The following SLMAP variants were observed in gnomAD, a reference collection of about 807,000 sequenced individuals.
SLMAP encodes the protein sarcolemma associated protein, also known as sarcolemmal membrane-associated protein.
In SLMAP, 44 loss-of-function variants were observed where a neutral mutation model predicts 128.8. That is an observed-to-expected ratio of 0.34 (90% CI 0.27 to 0.44). The LOEUF (loss-of-function observed/expected upper bound fraction) is 0.44. Ranked by LOEUF, SLMAP falls within the 20% of genes least tolerant of loss-of-function variation. SLMAP has a pLI of 1.00. For missense variants in SLMAP, 787 were observed against 985.3 expected, an observed-to-expected ratio of 0.80 and a Z score of 2.69; for synonymous variants, 327 against 348.8, an observed-to-expected ratio of 0.94 and a Z score of 0.70.
intron 17 of SLMAP, chr3:57,899,364 T>G (rs2096314440): frequency 6.6e-6 from 1 of 152,210 alleles, no homozygotes; most frequent in Non-Finnish European, 1.5e-5. Context: ...ATGCTATTAG[T>G]AATTGCTTCA....
intron 22 of SLMAP, among the ~76,000 whole-genome samples, chr3:57,921,155 G>C (rs2153704995): frequency 6.6e-6 from 1 of 152,244 alleles, no homozygotes; most frequent in Non-Finnish European, 1.5e-5. Flanking sequence ...AACCAGTCTA[G>C]AATTTCAGCC....
intron 2 of SLMAP, among the ~76,000 whole-genome samples, chr3:57,791,536 G>A (rs1423731330): frequency 6.6e-6 from 1 of 152,030 alleles, no homozygotes; most frequent in East Asian, 1.9e-4. Flanking sequence ...GAAACAGGGT[G>A]TAAATTTCTC....
At chr3:57,806,768 A>T (rs535919885) in intron 2 of SLMAP, among the ~76,000 whole-genome samples, 1 of 152,102 alleles carries the variant, frequency 6.6e-6, no homozygotes, top group Non-Finnish European at 1.5e-5. Flanking sequence ...TCTATCATTG[A>T]TGGGCATTTG....
At chr3:57,773,817 G>A (rs1352779851) in intron 2 of SLMAP, among the ~76,000 whole-genome samples, 3 of 152,004 alleles carry the variant, frequency 2.0e-5, no homozygotes, top group East Asian at 1.9e-4. Flanking sequence ...AACTACCTAC[G>A]TATTGGAAAA....
intron 14 of SLMAP, among the ~76,000 whole-genome samples, chr3:57,875,052 G>A (rs2095571857): frequency 6.6e-6 from 1 of 152,076 alleles, no homozygotes; most frequent in Admixed American, 6.6e-5. Context: ...TGCAGAGATA[G>A]CACAGAATTT....
chr3:57,771,937 G>A (rs1321989226), intron 2 of SLMAP, among the ~76,000 whole-genome samples: 1 of 152,192 alleles, frequency 6.6e-6, no homozygotes, highest in Non-Finnish European at 1.5e-5. Context: ...AATTAAAGAA[G>A]TTGGGTAAAT....
intron 2 of SLMAP, among the ~76,000 whole-genome samples, chr3:57,759,206 G>C (rs954325325): frequency 2.0e-5 from 3 of 151,886 alleles, no homozygotes; most frequent in African/African-American, 7.3e-5. Context: ...TTTACCTGTG[G>C]AACAGACCCT....
At chr3:57,836,853 A>G (rs1283750253) in intron 3 of SLMAP, among the ~76,000 whole-genome samples, 1 of 152,222 alleles carries the variant, frequency 6.6e-6, no homozygotes, top group Admixed American at 6.5e-5. Context: ...CTGGACCCAC[A>G]AACTGCTTAA....
intron 3 of SLMAP, among the ~76,000 whole-genome samples, chr3:57,832,930 A>G (rs1452963425): frequency 1.3e-5 from 2 of 152,236 alleles, no homozygotes; most frequent in African/African-American, 2.4e-5. Context: ...CAACTTATAT[A>G]TGACCATACT....
intron 14 of SLMAP, among the ~76,000 whole-genome samples, chr3:57,886,844 A>G (rs748489349): frequency 8.5e-5 from 13 of 152,128 alleles, no homozygotes; most frequent in Non-Finnish European, 1.5e-4. Context: ...CATGTGTTAT[A>G]TTGTTTTATT....
intron 15 of SLMAP, chr3:57,891,193 A>G (rs1218099382): frequency 6.6e-6 from 1 of 151,586 alleles, no homozygotes; most frequent in Non-Finnish European, 1.5e-5. Context: ...AGCACTTTGA[A>G]GTAGAGCCTT....
intron 2 of SLMAP, among the ~76,000 whole-genome samples, chr3:57,770,755 A>G (rs1325811279): frequency 6.6e-6 from 1 of 152,234 alleles, no homozygotes; most frequent in Non-Finnish European, 1.5e-5. Context: ...AGCACTTAGC[A>G]GAATACCTGG....
chr3:57,909,074 A>C lies in SLMAP; in HGVS notation c.1625-2A>C. On this transcript the variant is annotated splice_acceptor_variant, in intron 18 of 24. Coordinates refer to ENST00000671191, the MANE Select transcript of SLMAP (RefSeq NM_001377540.1). LOFTEE classifies it high-confidence loss of function. ...TAATAGATACTGTGTTTTTACTTTT[A>C]GCTCTTTTGGAAGAAGAAAGAAAAG... The C allele has an allele frequency of 6.3e-7, 1 of 1,599,238 alleles. No individual in the cohort carries two copies. Among genetic ancestry groups the C allele is most frequent in the South Asian group, 1.1e-5 (1 of 89,912 alleles).
intron 4 of SLMAP, among the ~76,000 whole-genome samples, chr3:57,845,484 A>G (rs6804765): frequency 0.61 from 92,762 of 152,016 alleles, 28,933 homozygotes; most frequent in East Asian, 0.97. Flanking sequence ...TTTAACTCAC[A>G]TCTAATCAGT....
At chr3:57,892,783 A>AACACACACACACACACAC (rs141561615) in intron 15 of SLMAP, among the ~76,000 whole-genome samples, 1 of 143,852 alleles carries the variant, frequency 7.0e-6, no homozygotes, top group African/African-American at 2.6e-5. Context: ...TGTCTCTTAA[A>AACACACACACACACACAC]ACACACACAC....
chr3:57,804,677 C>T (rs922785747), intron 2 of SLMAP, among the ~76,000 whole-genome samples: 3 of 151,786 alleles, frequency 2.0e-5, no homozygotes, highest in African/African-American at 7.3e-5. Context: ...TCTGGGAGGT[C>T]GAGGCTGCAG....
In SLMAP at chr3:57,888,902, T is replaced by G. The variant is rs112003023; in HGVS notation, c.1301-1139T>G. Reference sequence around the variant, plus strand: ...TACTTTCTGTTTTTTTTTCTTTTTTTCTGTTTTTTTTTGAGATGGAATCTC... The same window carrying G: ...TACTTTCTGTTTTTTTTTCTTTTTTGCTGTTTTTTTTTGAGATGGAATCTC... On this transcript the variant is annotated intron_variant, in intron 14 of 24. Coordinates refer to ENST00000671191, the MANE Select transcript of SLMAP (RefSeq NM_001377540.1). 3.2e-3 allele frequency among the ~76,000 whole-genome samples: 488 copies of G among 151,768 alleles called. 3 individuals are homozygous for G. Among genetic ancestry groups the G allele is most frequent in the African/African-American group, 0.011 (466 of 41,174 alleles).
chr3:57,880,989 A>G (rs940960288), intron 14 of SLMAP, among the ~76,000 whole-genome samples: 1 of 152,152 alleles, frequency 6.6e-6, no homozygotes, highest in Non-Finnish European at 1.5e-5. Flanking sequence ...CAAGAGTTCA[A>G]GACCAGCCTG....
chr3:57,875,890 C>G (rs1352419388), intron 14 of SLMAP, among the ~76,000 whole-genome samples: 1 of 152,158 alleles, frequency 6.6e-6, no homozygotes, highest in Non-Finnish European at 1.5e-5. Context: ...AAGACAAATT[C>G]AGCAAATATC....
Sources: gnomAD v4.1 joint callset for allele counts (sites outside exome capture counted in the v4.1 genomes callset) on GRCh38, gnomAD v4.1.1 for gene constraint, MANE v1.5 for transcripts, NCBI Gene and HGNC (gene_info 2026-07-23, HGNC 2026-07-21) for gene names.